Variants in ASPG observed in about 807,000 individuals in gnomAD.
ASPG encodes asparaginase, also known as 60 kDa lysophospholipase.
A neutral mutation model predicts 63.2 loss-of-function variants in ASPG; 53 were observed. The ratio of observed to expected loss-of-function variants is 0.84; its 90% CI spans 0.67 to 1.05. The LOEUF (loss-of-function observed/expected upper bound fraction) is 1.05. Ranked by LOEUF, ASPG falls within the 50% of genes least tolerant of loss-of-function variation. ASPG has a pLI of 0.00. For missense variants in ASPG, 741 were observed against 794.4 expected, an observed-to-expected ratio of 0.93 and a Z score of 0.81; for synonymous variants, 370 against 355.0, an observed-to-expected ratio of 1.04 and a Z score of -0.48.
chr14:104,092,979 A>G, intron 2 of ASPG: 1 of 552,538 alleles, frequency 1.8e-6, no homozygotes, highest in Non-Finnish European at 3.2e-6. Context: ...CCACACCCCC[A>G]GCCAGGCTGC....
In ASPG at chr14:104,104,346, G is replaced by C. The variant is rs765862087; in HGVS notation, c.796G>C (p.Glu266Gln). 5 of 1,612,600 alleles carry C rather than the reference G, an allele frequency of 3.1e-6. No homozygotes were observed. The East Asian group carries it at 1.1e-4, about 36-fold the overall frequency. The change falls in exon 8 of 16, where the codon GAG becomes CAG. Residue 266 changes from glutamate to glutamine, a missense_variant. Coordinates refer to ENST00000551177, the MANE Select transcript of ASPG (RefSeq NM_001080464.3). Reference sequence around the variant, plus strand: ...GCCTCCCCTGAAGGGCGTGGTCATGGAGACCTTCGGTTCAGGGAACGGACC... The same window carrying C: ...GCCTCCCCTGAAGGGCGTGGTCATGCAGACCTTCGGTTCAGGGAACGGACC... ...LQPPLKGVVM[E>Q]TFGSGNGPTK...
At position 104,087,725 on chromosome 14, in the gene ASPG, T is replaced by A. The variant is rs191229902; in HGVS notation, c.82+1873T>A. ...CAGTTTCGTTGAGCTCAACATGTAG[T>A]TCTTGAGTGGTCCGAGCTGCAGGGG... On this transcript the variant is annotated intron_variant, in intron 1 of 15. Coordinates refer to ENST00000551177, the MANE Select transcript of ASPG (RefSeq NM_001080464.3). Among the ~76,000 whole-genome samples, 50 of 152,242 alleles carry A rather than the reference T, an allele frequency of 3.3e-4. 1 individual carries two copies. The highest frequency in any genetic ancestry group is 1.1e-3 in the African/African-American group (47 of 41,544).
intron 6 of ASPG, among the ~76,000 whole-genome samples, 173 bp from the exon 7 acceptor site, chr14:104,103,390 G>A (rs2036968087): frequency 6.6e-6 from 1 of 152,258 alleles, no homozygotes; most frequent in Admixed American, 6.5e-5. Flanking sequence ...CTGCGCGGAA[G>A]CCCGGGAGGA....
chr14:104,085,963 G>A, intron 1 of ASPG, 111 bp downstream of exon 1: 4 of 995,722 alleles, frequency 4.0e-6, no homozygotes, highest in South Asian at 3.4e-5. Flanking sequence ...GCGCCTGGAT[G>A]GGGGGTGCGG....
chr14:104,110,456 G>T lies in ASPG; in HGVS notation c.1521-1046G>T, dbSNP rs2037337453. On this transcript the variant is annotated intron_variant, in intron 13 of 15. Transcript: ENST00000551177. The surrounding 1 kb of genome is among the most constrained non-coding windows in gnomAD (Gnocchi z 4.7). ...ATGGGGAAACTGAGGCAGTAGTCAG[G>T]TCCTGTGGGAGCTGGGACCAGAACC... The T allele has an allele frequency of 3.0e-6, 3 of 985,254 alleles. No homozygotes were observed. Among genetic ancestry groups the T allele is most frequent in the African/African-American group, 1.7e-5 (1 of 57,212 alleles). The allele number at this position is 985,254 out of a possible 1,614,324, so 61.0% of individuals were successfully genotyped here.
chr14:104,097,995 C>T (rs9324072), intron 5 of ASPG, among the ~76,000 whole-genome samples: 28 of 115,972 alleles, frequency 2.4e-4, no homozygotes, highest in African/African-American at 5.6e-4. Context: ...TATGGAGGTT[C>T]TGCGTTAGAG....
chr14:104,106,363 G>T (rs576230477), intron 10 of ASPG, among the ~76,000 whole-genome samples: 61 of 152,340 alleles, frequency 4.0e-4, no homozygotes, highest in African/African-American at 1.1e-3. Flanking sequence ...GGTGCTGGGG[G>T]CAGGTGGCTC....
rs201262855 is a variant in ASPG at position 104,106,827 on chromosome 14, T to C, written c.1202T>C (p.Val401Ala). 286 of 1,601,144 alleles carry C rather than the reference T, an allele frequency of 1.8e-4. No homozygotes were observed. In the African/African-American group the frequency reaches 3.5e-3, roughly 20 times the overall value. Residue 401 changes from valine to alanine, a missense_variant, in exon 11 of 16, where the codon GTG becomes GCG. Physicochemically the swap from Val to Ala is moderately conservative, Grantham distance 64. Coordinates refer to ENST00000551177, the MANE Select transcript of ASPG (RefSeq NM_001080464.3). ...QEADALRNALVPSLACAAAHA... is the reference protein window; with the variant it reads ...QEADALRNALAPSLACAAAHA... ...GCAGATGCCCTGCGGAATGCCCTGG[T>C]GCCCAGCCTGGCCTGTGCTGCTGCC...
At position 104,109,530 on chromosome 14, in the gene ASPG, G is replaced by A. The variant is rs2141056668; in HGVS notation, c.1520+215G>A. On this transcript the variant is annotated intron_variant, in intron 13 of 15. Transcript: ENST00000551177. The surrounding 1 kb of genome is among the most constrained non-coding windows in gnomAD (Gnocchi z 4.8). The stretch of plus-strand genomic sequence containing the variant: ...AGGGGAAGGAGTTGTTCTCAGCTGA[G>A]CGAACAGTCCAGCAAGGGTGTCTCT... 6.6e-6 allele frequency among the ~76,000 whole-genome samples: 1 copy of A among 152,246 alleles called. No individual in the cohort carries two copies. Among genetic ancestry groups the A allele is most frequent in the South Asian group, 2.1e-4 (1 of 4,814 alleles).
chr14:104,105,015 T>A, intron 9 of ASPG: 1 of 573,080 alleles, frequency 1.7e-6, no homozygotes, highest in Non-Finnish European at 3.1e-6. Context: ...CGCCAGGAAA[T>A]CCTCTCCTGC....
At position 104,114,770 on chromosome 14, in the gene ASPG, C is replaced by G. The variant is rs2037441498; in HGVS notation, c.*2226C>G. ...GCCGCGTTGGTGTGTTTCGTCCCCA[C>G]TGTGCCTGTAGGAGGGCACCGGGTC... On this transcript the variant is annotated 3_prime_UTR_variant, in exon 16 of 16. Transcript: ENST00000551177. 2 of 152,260 alleles carry G rather than the reference C, an allele frequency of 1.3e-5. No individual in the cohort carries two copies. The highest frequency in any genetic ancestry group is 2.9e-5 in the Non-Finnish European group (2 of 68,098). The allele number at this position is 152,260 out of a possible 1,614,324, so 9.4% of individuals were successfully genotyped here.
intron 10 of ASPG, among the ~76,000 whole-genome samples, chr14:104,106,246 G>A (rs1249462727): frequency 6.6e-6 from 1 of 152,250 alleles, no homozygotes; most frequent in Non-Finnish European, 1.5e-5. Flanking sequence ...CCCGCTGGGT[G>A]TGGTGGCACC....
Position 104,110,909 on chromosome 14 carries a change from C to T in ASPG, c.1521-593C>T. 1 of 985,378 alleles carries T rather than the reference C, an allele frequency of 1.0e-6. No homozygotes were observed. The highest frequency in any genetic ancestry group is 1.2e-6 in the Non-Finnish European group (1 of 829,898). 61.0% of individuals were successfully genotyped at this position (985,378 alleles called of 1,614,324 possible). A position where few individuals can be genotyped will look rare whatever the true frequency, so the allele number is the denominator to read the frequency against. ...CTGGCAGGTGCTCCCCACTCCAGGG[C>T]AGGTGGGCCCAGACCCCTGTCCCAG... On this transcript the variant is annotated intron_variant, in intron 13 of 15. Coordinates refer to ENST00000551177, the MANE Select transcript of ASPG (RefSeq NM_001080464.3). This position sits in a 1 kb window ranked among gnomAD's most constrained non-coding sequence, Gnocchi z 4.7.
chr14:104,106,986 C>T (rs1274133336), intron 11 of ASPG, 92 bp downstream of exon 11: 3 of 1,369,836 alleles, frequency 2.2e-6, no homozygotes, highest in African/African-American at 2.9e-5. Context: ...CATCCACCCA[C>T]TGACCACACT....
At chr14:104,106,412 C>A (rs1446774031) in intron 10 of ASPG, among the ~76,000 whole-genome samples, 1 of 152,136 alleles carries the variant, frequency 6.6e-6, no homozygotes, top group Non-Finnish European at 1.5e-5. Context: ...GGCCTTCCTT[C>A]CAGGGGAGGG....
chr14:104,093,654 AGGTGTGTGGGTGGGGCTGTGG>A lies in ASPG; in HGVS notation c.303+53_303+73del, dbSNP rs2036456809. ...GGGCTGTGGTGTGTGGGTGGGGCTGAGGTGTGTGGGTGGGGCTGTGGTGTGTGGGTGGGGCTGTGGAGAGTG... is the reference window on the plus strand; with the variant it reads ...GGGCTGTGGTGTGTGGGTGGGGCTGATGTGTGGGTGGGGCTGTGGAGAGTG... On this transcript the variant is annotated intron_variant, in intron 3 of 15. Transcript: ENST00000551177. 20 of 361,682 alleles carry A rather than the reference AGGTGTGTGGGTGGGGCTGTGG, an allele frequency of 5.5e-5. 1 individual carries two copies. The highest frequency in any genetic ancestry group is 7.0e-5 in the Non-Finnish European group (20 of 285,566). The allele number at this position is 361,682 out of a possible 1,614,324, so 22.4% of individuals were successfully genotyped here.
At position 104,092,613 on chromosome 14, in the gene ASPG, C is replaced by T; in HGVS notation, c.83-20C>T. The T allele has an allele frequency of 2.6e-6, 4 of 1,529,462 alleles. No homozygotes were observed. The highest frequency in any genetic ancestry group is 2.7e-5 in the African/African-American group (2 of 72,966). The allele number at this position is 1,529,462 out of a possible 1,614,324, so 94.7% of individuals were successfully genotyped here. ...GCTGTCAGCCCCTGACCCCAGCATC[C>T]ACCTGGACTCTGCCTGCAGTGCTTG... On this transcript the variant is annotated intron_variant, in intron 1 of 15. Coordinates refer to ENST00000551177, the MANE Select transcript of ASPG (RefSeq NM_001080464.3).
intron 13 of ASPG, chr14:104,111,026 C>T (rs1214314455): frequency 1.0e-6 from 1 of 985,346 alleles, no homozygotes; most frequent in African/African-American, 1.7e-5. Context: ...ACTGGGCTGC[C>T]TCAAACTTTC....
At chr14:104,093,643 G>T in intron 3 of ASPG, 41 bp downstream of exon 3, 1 of 1,001,464 alleles carries the variant, frequency 1.0e-6, no homozygotes. Flanking sequence ...TGTGGTGTGT[G>T]GGTGGGGCTG....
Sources: gnomAD v4.1 joint callset for allele counts (sites outside exome capture counted in the v4.1 genomes callset) on GRCh38, gnomAD v4.1.1 for gene constraint, Gnocchi (gnomAD v3.1) non-coding constraint, MANE v1.5 for transcripts, NCBI Gene and HGNC (gene_info 2026-07-23, HGNC 2026-07-21) for gene names.